TMEM132D: variants seen among roughly 807,000 people sequenced by gnomAD.
TMEM132D encodes mature OL transmembrane protein.
Under a neutral mutation model 62.3 loss-of-function variants are expected in TMEM132D, and 21 were observed. The observed-to-expected ratio is 0.34, with a 90% CI of 0.24 to 0.49. TMEM132D has a LOEUF of 0.49. Among genes scored for constraint, TMEM132D ranks in the 20% least tolerant of loss-of-function variants. The pLI is 0.99. For synonymous variants in TMEM132D, 621 were observed against 575.6 expected, an observed-to-expected ratio of 1.08 and a Z score of -1.13; for missense variants, 1,346 against 1,402.8, an observed-to-expected ratio of 0.96 and a Z score of 0.65.
intron 3 of TMEM132D, among the ~76,000 whole-genome samples, chr12:129,505,755 G>C (rs535716974): frequency 6.6e-6 from 1 of 152,242 alleles, no homozygotes; most frequent in South Asian, 2.1e-4. Flanking sequence ...GTTGGACAAG[G>C]CTTCTTATCA....
At chr12:129,105,436 T>C (rs866846791) in intron 5 of TMEM132D, among the ~76,000 whole-genome samples, 5 of 139,232 alleles carry the variant, frequency 3.6e-5, no homozygotes, top group African/African-American at 1.1e-4. Flanking sequence ...GAGATATACC[T>C]AATGCTAGAT....
intron 4 of TMEM132D, among the ~76,000 whole-genome samples, chr12:129,252,843 A>G (rs1181564989): frequency 1.3e-5 from 2 of 152,268 alleles, no homozygotes; most frequent in Non-Finnish European, 2.9e-5. Context: ...CATATACGCC[A>G]TGGAATACTA....
At chr12:129,796,454 T>C (rs2137302519) in intron 1 of TMEM132D, among the ~76,000 whole-genome samples, 1 of 152,306 alleles carries the variant, frequency 6.6e-6, no homozygotes, top group African/African-American at 2.4e-5. Context: ...ACATTTAGGT[T>C]CAGGGGTACA....
In TMEM132D at chr12:129,858,890, A is replaced by G. The variant is rs28415585; in HGVS notation, c.79+44371T>C. On this transcript the variant is annotated intron_variant, in intron 1 of 8. Transcript: ENST00000422113. Reference sequence around the variant, plus strand: ...CCGGGGGAACGGGATGGGTGCCCTTATAACAGAGTCCGGGGGATGGGATGG... The same window carrying G: ...CCGGGGGAACGGGATGGGTGCCCTTGTAACAGAGTCCGGGGGATGGGATGG... Among the ~76,000 whole-genome samples the G allele has an allele frequency of 8.9e-3, 837 of 94,150 alleles. 35 individuals are homozygous for G. Among genetic ancestry groups the G allele is most frequent in the African/African-American group, 0.034 (762 of 22,342 alleles). The allele number at this position is 94,150 out of a possible 152,430, so 61.8% of individuals were successfully genotyped here.
At chr12:129,320,154 A>G (rs1868642387) in intron 4 of TMEM132D, among the ~76,000 whole-genome samples, 1 of 152,194 alleles carries the variant, frequency 6.6e-6, no homozygotes, top group Non-Finnish European at 1.5e-5. Flanking sequence ...GGTGCTGAAA[A>G]TGATCTGCTA....
intron 1 of TMEM132D, among the ~76,000 whole-genome samples, chr12:129,758,475 CTGT>C (rs1179721368): frequency 6.6e-6 from 1 of 152,176 alleles, no homozygotes; most frequent in Non-Finnish European, 1.5e-5. Context: ...AGCATGTTGT[CTGT>C]TGTTTTCAAC....
intron 4 of TMEM132D, among the ~76,000 whole-genome samples, chr12:129,248,779 G>A (rs541104817): frequency 6.6e-6 from 1 of 152,086 alleles, no homozygotes; most frequent in Non-Finnish European, 1.5e-5. Context: ...TGTCATCATT[G>A]TGAGAACATG....
At chr12:129,145,052 G>A (rs1258231271) in intron 5 of TMEM132D, among the ~76,000 whole-genome samples, 4 of 150,798 alleles carry the variant, frequency 2.7e-5, no homozygotes, top group African/African-American at 9.9e-5. Flanking sequence ...TTCTATATAT[G>A]GAAACATATA....
intron 2 of TMEM132D, among the ~76,000 whole-genome samples, chr12:129,611,265 G>A (rs1287023611): frequency 6.6e-6 from 1 of 152,124 alleles, no homozygotes; most frequent in Non-Finnish European, 1.5e-5. Flanking sequence ...CATGGAAAGG[G>A]GACCTAACTT....
At position 129,652,095 on chromosome 12, in the gene TMEM132D, CCAA is replaced by C. The variant is rs565043084; in HGVS notation, c.968+47712_968+47714del. On this transcript the variant is annotated intron_variant, in intron 2 of 8. Transcript: ENST00000422113. ...GCATAGGAAGAGGCATGTATAATCTCCAATAGCACTTTAGGACTTTGAAAACTA... is the reference window on the plus strand; with the variant it reads ...GCATAGGAAGAGGCATGTATAATCTCTAGCACTTTAGGACTTTGAAAACTA... Among the ~76,000 whole-genome samples, 10 of 152,230 alleles carry C rather than the reference CCAA, an allele frequency of 6.6e-5. No individual in the cohort carries two copies. In the South Asian group the frequency reaches 2.1e-3, roughly 32 times the overall value.
intron 1 of TMEM132D, among the ~76,000 whole-genome samples, chr12:129,834,813 C>G (rs1343793697): frequency 6.6e-6 from 1 of 152,226 alleles, no homozygotes; most frequent in Non-Finnish European, 1.5e-5. Context: ...TCCCCACAGG[C>G]TGCACATTGG....
chr12:129,881,634 C>T (rs1038312500), intron 1 of TMEM132D, among the ~76,000 whole-genome samples: 13 of 151,702 alleles, frequency 8.6e-5, no homozygotes, highest in African/African-American at 3.1e-4. Flanking sequence ...CATTAGGACA[C>T]AGATAAAAGA....
rs577259592 is a variant in TMEM132D, at chr12:129,680,311, A to T, written c.968+19499T>A. On this transcript the variant is annotated intron_variant, in intron 2 of 8. Transcript: ENST00000422113. Reference sequence around the variant, plus strand: ...TTGGATGATCTCTTTTTTTATTATCAATCCTACAACTACCCAAAAAGATAA... The same window carrying T: ...TTGGATGATCTCTTTTTTTATTATCTATCCTACAACTACCCAAAAAGATAA... 8.0e-4 allele frequency among the ~76,000 whole-genome samples: 122 copies of T among 152,282 alleles called. 1 individual carries two copies. In the South Asian group the frequency reaches 0.017, roughly 21 times the overall value.
At chr12:129,484,249 T>C (rs992716391) in intron 3 of TMEM132D, among the ~76,000 whole-genome samples, 1 of 152,190 alleles carries the variant, frequency 6.6e-6, no homozygotes, top group Admixed American at 6.5e-5. Flanking sequence ...GGAGTCAACG[T>C]GAGTCACCGC....
intron 5 of TMEM132D, among the ~76,000 whole-genome samples, chr12:129,181,626 C>A (rs567335027): frequency 7.0e-4 from 106 of 152,288 alleles, no homozygotes; most frequent in African/African-American, 2.4e-3. Context: ...CCTTTTGAGG[C>A]CCCACCCCAG....
intron 5 of TMEM132D, among the ~76,000 whole-genome samples, chr12:129,199,694 T>C (rs959670983): frequency 1.3e-5 from 2 of 152,106 alleles, no homozygotes; most frequent in African/African-American, 4.8e-5. Flanking sequence ...CAGCAGAAGG[T>C]GTAGGAGGAG....
Position 129,521,350 on chromosome 12 carries a change from T to C in TMEM132D, c.1115+9709A>G, listed in dbSNP as rs952305254. On this transcript the variant is annotated intron_variant, in intron 3 of 8. Coordinates refer to ENST00000422113, the MANE Select transcript of TMEM132D (RefSeq NM_133448.3). ...TTTAAAGAAGTAAACGTCTTCAAAA[T>C]AGCAAGGTGAAAAAGCTTTTAACGC... is the stretch of plus-strand genomic sequence containing the variant. 7.9e-5 allele frequency: 12 copies of C among 152,314 alleles called. No homozygotes were observed. In the South Asian group the frequency reaches 1.5e-3, roughly 18 times the overall value. The allele number at this position is 152,314 out of a possible 1,614,324, so 9.4% of individuals were successfully genotyped here.
intron 2 of TMEM132D, among the ~76,000 whole-genome samples, chr12:129,638,322 C>T (rs1260383177): frequency 1.3e-5 from 2 of 152,080 alleles, no homozygotes; most frequent in African/African-American, 4.8e-5. Context: ...CCTTTACCCC[C>T]AAATTATGTG....
At chr12:129,427,026 T>G (rs1033416145) in intron 3 of TMEM132D, among the ~76,000 whole-genome samples, 5 of 152,238 alleles carry the variant, frequency 3.3e-5, no homozygotes, top group Non-Finnish European at 1.5e-5. Flanking sequence ...ACAGGGGCAG[T>G]GGAGCCAACC....
Sources: gnomAD v4.1 joint callset for allele counts (sites outside exome capture counted in the v4.1 genomes callset) on GRCh38, gnomAD v4.1.1 for gene constraint, MANE v1.5 for transcripts, NCBI Gene and HGNC (gene_info 2026-07-23, HGNC 2026-07-21) for gene names.